Variants in PXDN observed in about 807,000 individuals in gnomAD.
PXDN encodes the protein peroxidasin.
PXDN carries 77 observed loss-of-function variants against 140.3 expected under a neutral mutation model. That is an observed-to-expected ratio of 0.55 (90% CI 0.46 to 0.66). The LOEUF (loss-of-function observed/expected upper bound fraction) is 0.66, where lower values mean the gene tolerates loss of function less well. Among genes scored for constraint, PXDN ranks in the 30% least tolerant of loss-of-function variants. The pLI, the probability that PXDN is intolerant of heterozygous loss-of-function variation, is 0.00. For synonymous variants in PXDN, 911 were observed against 857.4 expected, an observed-to-expected ratio of 1.06 and a Z score of -1.09; for missense variants, 1,838 against 2,039.5, an observed-to-expected ratio of 0.90 and a Z score of 1.90.
In PXDN at chr2:1,635,357, C is replaced by T. The variant is rs370052892; in HGVS notation, c.4320+51G>A. The T allele has an allele frequency of 1.0e-5, 15 of 1,492,438 alleles. No homozygotes were observed. In the Admixed American group the frequency reaches 2.6e-4, roughly 25 times the overall value. 92.4% of individuals were successfully genotyped at this position (1,492,438 alleles called of 1,614,324 possible). A position where few individuals can be genotyped will look rare whatever the true frequency, so the allele number is the denominator to read the frequency against. Reference sequence around the variant, plus strand: ...CCCACCTGAGTGGTCACATGGGACTCTCGGACTTGCGTATACCTTAGGACA... The same window carrying T: ...CCCACCTGAGTGGTCACATGGGACTTTCGGACTTGCGTATACCTTAGGACA... On this transcript the variant is annotated intron_variant, in intron 22 of 22. Coordinates refer to ENST00000252804, the MANE Select transcript of PXDN (RefSeq NM_012293.3).
At chr2:1,659,244 C>T (rs1419031604) in intron 14 of PXDN, among the ~76,000 whole-genome samples, 2 of 152,214 alleles carry the variant, frequency 1.3e-5, no homozygotes, top group African/African-American at 4.8e-5. Context: ...TAGGTGAGCT[C>T]ATTGGCTATT....
At chr2:1,711,562 A>T in intron 1 of PXDN, among the ~76,000 whole-genome samples, 1 of 106,782 alleles carries the variant, frequency 9.4e-6, no homozygotes, top group African/African-American at 4.4e-5. Flanking sequence ...CTCCACCAGC[A>T]TCCACTCTCC....
chr2:1,693,958 T>C (rs1232059980), intron 1 of PXDN, among the ~76,000 whole-genome samples: 1 of 152,246 alleles, frequency 6.6e-6, no homozygotes, highest in African/African-American at 2.4e-5. Context: ...AAGGCAGCGA[T>C]GGGAAGTGCA....
intron 1 of PXDN, among the ~76,000 whole-genome samples, chr2:1,727,915 A>G (rs772083328): frequency 2.6e-5 from 4 of 152,210 alleles, no homozygotes; most frequent in Non-Finnish European, 5.9e-5. Context: ...GCTATTCTGC[A>G]CAAGACTGTC....
intron 11 of PXDN, 195 bp downstream of exon 11, chr2:1,664,763 A>G: frequency 1.8e-6 from 1 of 557,000 alleles, no homozygotes; most frequent in South Asian, 2.5e-5. Context: ...TCCATGAGGG[A>G]CGGCCATGCA....
intron 9 of PXDN, among the ~76,000 whole-genome samples, chr2:1,666,967 C>T (rs867085121): frequency 4.5e-4 from 68 of 152,166 alleles, no homozygotes; most frequent in African/African-American, 1.5e-3. Flanking sequence ...AAAGTCCATA[C>T]AATTATGAAT....
intron 14 of PXDN, among the ~76,000 whole-genome samples, chr2:1,659,095 G>A (rs1030386118): frequency 7.2e-5 from 11 of 152,174 alleles, no homozygotes; most frequent in South Asian, 2.1e-4. Flanking sequence ...ACCAAGTGGC[G>A]GCGACTATTG....
chr2:1,684,268 CACTA>C, intron 4 of PXDN, 117 bp from the exon 5 acceptor site: 1 of 737,918 alleles, frequency 1.4e-6, no homozygotes. Flanking sequence ...ATAGCTCACT[CACTA>C]GACTTCCTAC....
intron 9 of PXDN, among the ~76,000 whole-genome samples, chr2:1,672,578 G>A (rs985600448): frequency 2.6e-5 from 4 of 152,184 alleles, no homozygotes; most frequent in African/African-American, 4.8e-5. Flanking sequence ...CATGTGGAAC[G>A]TTGTTTGATT....
At chr2:1,655,664 T>C (rs1399098993) in intron 14 of PXDN, among the ~76,000 whole-genome samples, 2 of 145,710 alleles carry the variant, frequency 1.4e-5, no homozygotes, top group African/African-American at 5.2e-5. Context: ...CTGACAGGAA[T>C]CTGCCCCCTC....
At position 1,685,134 on chromosome 2, in the gene PXDN, C is replaced by A. The variant is rs1050781416; in HGVS notation, c.417-983G>T. ...ACCAGAGTGCGGCTGCCAGGGCCCG[C>A]CCCGTCCCGGGGCCAGCTCCCCAGG... On this transcript the variant is annotated intron_variant, in intron 4 of 22. Transcript: ENST00000252804. This position sits in a 1 kb window ranked among gnomAD's most constrained non-coding sequence, Gnocchi z 5.1. Among the ~76,000 whole-genome samples the A allele has an allele frequency of 7.2e-5, 11 of 152,212 alleles. No individual in the cohort carries two copies. The highest frequency in any genetic ancestry group is 2.7e-4 in the African/African-American group (11 of 41,458).
At chr2:1,677,087 T>C in intron 7 of PXDN, 43 bp from the exon 8 acceptor site, 2 of 1,492,442 alleles carry the variant, frequency 1.3e-6, no homozygotes, top group Non-Finnish European at 1.8e-6. Flanking sequence ...GTCTAAACCA[T>C]GACATGAAAA....
In PXDN at chr2:1,634,136, C is replaced by T. The variant is rs1490892111; in HGVS notation, c.*68G>A. Reference sequence around the variant, plus strand: ...GTGTTTCCTGGTCTGCAGTCCGCAGCTCCCTGCCATCGGCCACCCGATCTC... The same window carrying T: ...GTGTTTCCTGGTCTGCAGTCCGCAGTTCCCTGCCATCGGCCACCCGATCTC... On this transcript the variant is annotated 3_prime_UTR_variant, in exon 23 of 23. Transcript: ENST00000252804. 4 of 1,539,546 alleles carry T rather than the reference C, an allele frequency of 2.6e-6. No individual in the cohort carries two copies. Among genetic ancestry groups the T allele is most frequent in the East Asian group, 4.9e-5 (2 of 40,650 alleles).
intron 1 of PXDN, among the ~76,000 whole-genome samples, chr2:1,731,857 G>A (rs1419742609): frequency 6.6e-6 from 1 of 152,176 alleles, no homozygotes; most frequent in Admixed American, 6.5e-5. Flanking sequence ...AACTAAAGCC[G>A]AATGGCCCTG....
Position 1,634,125 on chromosome 2 carries a change from G to A in PXDN, c.*79C>T. The A allele has an allele frequency of 6.6e-7, 1 of 1,525,146 alleles. No individual in the cohort carries two copies. The highest frequency in any genetic ancestry group is 8.9e-7 in the Non-Finnish European group (1 of 1,128,716). 94.5% of individuals were successfully genotyped at this position (1,525,146 alleles called of 1,614,324 possible). ...ACGAGTTCTGGGTGTTTCCTGGTCT[G>A]CAGTCCGCAGCTCCCTGCCATCGGC... On this transcript the variant is annotated 3_prime_UTR_variant, in exon 23 of 23. Coordinates refer to ENST00000252804, the MANE Select transcript of PXDN (RefSeq NM_012293.3).
Position 1,649,293 on chromosome 2 carries a change from G to C in PXDN, c.2487C>G (p.Leu829=). 1 of 1,613,524 alleles carries C rather than the reference G, an allele frequency of 6.2e-7. No homozygotes were observed. The highest frequency in any genetic ancestry group is 8.5e-7 in the Non-Finnish European group (1 of 1,179,812). The part of the protein sequence containing the change: ...MQWGQFLDHD[L]DSTVVALSQA... ...GGCTCAGGGCCACCACCGTGGAGTC[G>C]AGGTCGTGGTCCAGGAACTGGCCCC... The change falls in exon 17 of 23, where the codon CTC becomes CTG. Residue 829 remains leucine, a synonymous_variant. Coordinates refer to ENST00000252804, the MANE Select transcript of PXDN (RefSeq NM_012293.3). This position sits in a 1 kb window ranked among gnomAD's most constrained non-coding sequence, Gnocchi z 7.1.
intron 4 of PXDN, among the ~76,000 whole-genome samples, chr2:1,684,538 C>T (rs1271146376): frequency 6.6e-6 from 1 of 152,186 alleles, no homozygotes; most frequent in East Asian, 1.9e-4. Context: ...TGAATACCTT[C>T]CCTCAAATCT....
intron 1 of PXDN, among the ~76,000 whole-genome samples, chr2:1,708,009 C>G (rs889068454): frequency 6.6e-6 from 1 of 152,264 alleles, no homozygotes; most frequent in Admixed American, 6.5e-5. Flanking sequence ...CCAGCTGGAA[C>G]AATGAGCTTT....
rs1457215133 is a variant in PXDN, at chr2:1,685,629, G to T, written c.417-1478C>A. ...GTACTGACCGAGGGAAGGAAAGGGG[G>T]TATTTCAAGCCCCACGGAGAGCGAT... is the stretch of plus-strand genomic sequence containing the variant. On this transcript the variant is annotated intron_variant, in intron 4 of 22. Transcript: ENST00000252804. The surrounding 1 kb of genome is among the most constrained non-coding windows in gnomAD (Gnocchi z 5.1). 6.6e-6 allele frequency among the ~76,000 whole-genome samples: 1 copy of T among 152,102 alleles called. No homozygotes were observed. Among genetic ancestry groups the T allele is most frequent in the African/African-American group, 2.4e-5 (1 of 41,442 alleles).
Sources: allele counts gnomAD v4.1 joint callset (sites outside exome capture counted in the v4.1 genomes callset), GRCh38; gene constraint gnomAD v4.1.1; non-coding constraint Gnocchi (gnomAD v3.1); transcripts MANE v1.5; gene names NCBI Gene and HGNC (gene_info 2026-07-23, HGNC 2026-07-21).